ARHGEF15: variants seen among roughly 807,000 people sequenced by gnomAD.
ARHGEF15 encodes the protein Rho guanine nucleotide exchange factor 15.
Under a neutral mutation model 79.7 loss-of-function variants are expected in ARHGEF15, and 58 were observed. The ratio of observed to expected loss-of-function variants is 0.73; its 90% CI spans 0.59 to 0.91. ARHGEF15 has a LOEUF of 0.91. Ranked by LOEUF, ARHGEF15 falls within the 40% of genes least tolerant of loss-of-function variation. ARHGEF15 has a pLI of 0.00. For missense variants in ARHGEF15, 1,012 were observed against 1,108.1 expected (o/e 0.91, Z 1.23); for synonymous variants, 442 against 456.0 (o/e 0.97, Z 0.39).
intron 2 of ARHGEF15, 46 bp downstream of exon 2, chr17:8,312,686 T>A: frequency 6.2e-7 from 1 of 1,610,174 alleles, no homozygotes; most frequent in African/African-American, 1.3e-5. Context: ...AATCCACCCA[T>A]CTTCTCCGTT....
intron 4 of ARHGEF15, 150 bp downstream of exon 4, chr17:8,313,705 G>T (rs1217306693): frequency 1.2e-5 from 9 of 728,726 alleles, no homozygotes; most frequent in Non-Finnish European, 1.8e-5. Flanking sequence ...CCCTTGTTTC[G>T]AATCCCAGCT....
chr17:8,320,561 G>T (rs2151646434), intron 15 of ARHGEF15, among the ~76,000 whole-genome samples: 1 of 152,106 alleles, frequency 6.6e-6, no homozygotes, highest in East Asian at 1.9e-4. Context: ...AAGTGGCAGG[G>T]ATGGGATCAC....
intron 4 of ARHGEF15, 23 bp from the exon 5 acceptor site, chr17:8,314,883 T>A: frequency 6.2e-7 from 1 of 1,613,200 alleles, no homozygotes; most frequent in Non-Finnish European, 8.5e-7. Context: ...CCTGGGGACT[T>A]CCTTCCCTTT....
At position 8,312,629 on chromosome 17, in the gene ARHGEF15, A is replaced by C. The variant is rs1904720978; in HGVS notation, c.590A>C (p.Asn197Thr). Residue 197 changes from asparagine (N) to threonine (T), a missense_variant, in exon 2 of 16, where the codon AAC (asparagine) becomes ACC (threonine). Asn to Thr is a moderately conservative substitution (Grantham distance 65). This residue lies in a region of ARHGEF15 where 818 missense variants were observed against 882.5 expected (regional missense o/e 0.93). Coordinates refer to ENST00000361926, the MANE Select transcript of ARHGEF15 (RefSeq NM_173728.4). ...CTCACCGGGAGTGGGTCCCAGGAGA[A>C]CGGTGCTCCAGGTGAGTGTGGCGGG... The part of the protein sequence containing the change: ...APLTGSGSQE[N>T]GAPDAGLACP... 1.2e-6 allele frequency: 2 copies of C among 1,613,226 alleles called. No individual in the cohort carries two copies. The highest frequency in any genetic ancestry group is 1.7e-5 in the Admixed American group (1 of 59,994).
rs528039193 is a variant in ARHGEF15 at position 8,315,925 on chromosome 17, G to A, written c.1574+18G>A. On this transcript the variant is annotated intron_variant, in intron 8 of 15. Transcript: ENST00000361926. This position sits in a 1 kb window ranked among gnomAD's most constrained non-coding sequence, Gnocchi z 4.3. ...CGCCTCATGTGAGTGTCCCAGGGGT[G>A]GGGAGGAAGCTGGGGAGAGGGATGG... is the stretch of plus-strand genomic sequence containing the variant. The A allele has an allele frequency of 6.2e-7, 1 of 1,606,458 alleles. No individual in the cohort carries two copies. Among genetic ancestry groups the A allele is most frequent in the South Asian group, 1.1e-5 (1 of 91,070 alleles).
At chr17:8,316,623 A>C (rs904310121) in intron 9 of ARHGEF15, among the ~76,000 whole-genome samples, 1 of 152,252 alleles carries the variant, frequency 6.6e-6, no homozygotes, top group African/African-American at 2.4e-5. Context: ...GTTGTACTCC[A>C]TTAAGCTTTA....
intron 4 of ARHGEF15, chr17:8,313,924 G>A (rs112556241): frequency 0.01 from 1,717 of 167,768 alleles, 32 homozygotes; most frequent in African/African-American, 0.038. Flanking sequence ...CAGCTACTCG[G>A]GAGGCTGAGG....
chr17:8,312,036 G>A lies in ARHGEF15; in HGVS notation c.-4G>A, dbSNP rs762981928. 2.1e-5 allele frequency: 33 copies of A among 1,584,066 alleles called. No homozygotes were observed. The South Asian group carries it at 2.3e-4, about 11-fold the overall frequency. ...CCTCACTCCTTTGAAGAGCACAGAG[G>A]AAGATGTCAGCCCAGTCCCTTCCTG... On this transcript the variant is annotated 5_prime_UTR_variant, in exon 2 of 16. Coordinates refer to ENST00000361926, the MANE Select transcript of ARHGEF15 (RefSeq NM_173728.4).
chr17:8,319,704 C>T (rs535235627), intron 15 of ARHGEF15, 101 bp downstream of exon 15: 123 of 924,598 alleles, frequency 1.3e-4, no homozygotes, highest in South Asian at 7.4e-4. Context: ...GGTGTGAGCT[C>T]GGCTCACTGC....
At chr17:8,320,276 GAAA>G (rs1025708820) in intron 15 of ARHGEF15, among the ~76,000 whole-genome samples, 1 of 144,292 alleles carries the variant, frequency 6.9e-6, no homozygotes, top group African/African-American at 2.5e-5. Flanking sequence ...GAGTGTTATG[GAAA>G]AAAAAAAAAG....
Position 8,318,549 on chromosome 17 carries a change from G to A in ARHGEF15, c.1780-21G>A, listed in dbSNP as rs765452216. 7 of 1,612,734 alleles carry A rather than the reference G, an allele frequency of 4.3e-6. No homozygotes were observed. The Admixed American group carries it at 1.0e-4, about 23-fold the overall frequency. On this transcript the variant is annotated intron_variant, in intron 10 of 15. Transcript: ENST00000361926. The surrounding 1 kb of genome is among the most constrained non-coding windows in gnomAD (Gnocchi z 5.0). ...GCAGGGGGCTGGCCGCTGGGGTGGT[G>A]ACACAGCTCCCCTTACCTAGATCAT...
In ARHGEF15 at chr17:8,319,567, A is replaced by G; in HGVS notation, c.2338A>G (p.Arg780Gly). ...AKTEGRSLESRAAPKHLHKTP... is the reference protein window; with the variant it reads ...AKTEGRSLESGAAPKHLHKTP... ...GACTGAAGGACGGAGTCTGGAGTCCAGGGCTGCCCCCAAACACCTGCACAA... is the reference window on the plus strand; with the variant it reads ...GACTGAAGGACGGAGTCTGGAGTCCGGGGCTGCCCCCAAACACCTGCACAA... The change falls in exon 15 of 16, where the codon AGG becomes GGG. Residue 780 changes from arginine to glycine, a missense_variant. Transcript: ENST00000361926. 6.2e-7 allele frequency: 1 copy of G among 1,607,982 alleles called. No individual in the cohort carries two copies.
Position 8,312,428 on chromosome 17 carries a change from C to G in ARHGEF15, c.389C>G (p.Pro130Arg). Residue 130 changes from proline to arginine, a missense_variant, in exon 2 of 16, where the codon CCT becomes CGT. This residue lies in a region of ARHGEF15 where 818 missense variants were observed against 882.5 expected (regional missense o/e 0.93). Coordinates refer to ENST00000361926, the MANE Select transcript of ARHGEF15 (RefSeq NM_173728.4). Reference sequence around the variant, plus strand: ...AAGCCGTCTGGGTCACCCTGCACGCCTCTGCTCCCCATGGCTGGAGTCCTG... The same window carrying G: ...AAGCCGTCTGGGTCACCCTGCACGCGTCTGCTCCCCATGGCTGGAGTCCTG... Reference protein sequence around the residue: ...PPKPSGSPCTPLLPMAGVLAQ... With the variant: ...PPKPSGSPCTRLLPMAGVLAQ... The G allele has an allele frequency of 1.2e-6, 2 of 1,613,848 alleles. No homozygotes were observed. Among genetic ancestry groups the G allele is most frequent in the Non-Finnish European group, 1.7e-6 (2 of 1,179,902 alleles).
chr17:8,316,531 C>T (rs1018790291), intron 9 of ARHGEF15, among the ~76,000 whole-genome samples: 2 of 152,202 alleles, frequency 1.3e-5, no homozygotes, highest in Non-Finnish European at 2.9e-5. Flanking sequence ...TACCCACATG[C>T]CTTCCCAGCT....
rs114472686 is a variant in ARHGEF15, at chr17:8,313,185, G to A, written c.865G>A (p.Asp289Asn). 81 of 1,610,432 alleles carry A rather than the reference G, an allele frequency of 5.0e-5. No individual in the cohort carries two copies. The highest frequency in any genetic ancestry group is 6.9e-5 in the Non-Finnish European group (81 of 1,179,990). Residue 289 changes from aspartate to asparagine, a missense_variant, in exon 3 of 16, where the codon GAT (aspartate) becomes AAT (asparagine). Around this residue, in one of 3 missense-constraint regions of ARHGEF15, gnomAD observed 818 missense variants for 882.5 expected, o/e 0.93. Coordinates refer to ENST00000361926, the MANE Select transcript of ARHGEF15 (RefSeq NM_173728.4). ...TCCCAAACCAACTCGTGTCAGGCAGGATGCCACCATTTTCGGGGACCCCCC... is the reference window on the plus strand; with the variant it reads ...TCCCAAACCAACTCGTGTCAGGCAGAATGCCACCATTTTCGGGGACCCCCC... ...KPPKPTRVRQ[D>N]ATIFGDPPQP...
At chr17:8,319,718 C>A in intron 15 of ARHGEF15, 115 bp downstream of exon 15, 1 of 780,350 alleles carries the variant, frequency 1.3e-6, no homozygotes, top group Non-Finnish European at 1.9e-6. Context: ...TCACTGCAAC[C>A]TCTGCCTCCT....
chr17:8,315,162 C>T lies in ARHGEF15; in HGVS notation c.1145C>T (p.Ala382Val). Residue 382 changes from alanine (A) to valine (V), a missense_variant, in exon 6 of 16, where the codon GCA becomes GTA. This residue lies in a region of ARHGEF15 where 818 missense variants were observed against 882.5 expected (regional missense o/e 0.93). Coordinates refer to ENST00000361926, the MANE Select transcript of ARHGEF15 (RefSeq NM_173728.4). The surrounding 1 kb of genome is among the most constrained non-coding windows in gnomAD (Gnocchi z 4.3). ...GSPSPANAGD[A>V]PTFPRPPGPR... ...CCTTCTCCAGCAAATGCTGGAGATG[C>T]ACCCACCTTCCCACGACCCCCTGGA... is the stretch of plus-strand genomic sequence containing the variant. The T allele has an allele frequency of 6.2e-7, 1 of 1,614,044 alleles. No individual in the cohort carries two copies. The highest frequency in any genetic ancestry group is 8.5e-7 in the Non-Finnish European group (1 of 1,180,008).
At position 8,315,351 on chromosome 17, in the gene ARHGEF15, GCCCAGGGTCCTAGCTT is replaced by G; in HGVS notation, c.1261-58_1261-43del. On this transcript the variant is annotated intron_variant, in intron 6 of 15. Transcript: ENST00000361926. The surrounding 1 kb of genome is among the most constrained non-coding windows in gnomAD (Gnocchi z 4.3). Reference sequence around the variant, plus strand: ...CATGGGTCAGGCATAGGGGAGGAGGGCCCAGGGTCCTAGCTTCCCACGGTGAACTGGGCTTCCCACG... The same window carrying G: ...CATGGGTCAGGCATAGGGGAGGAGGGCCCACGGTGAACTGGGCTTCCCACG... The G allele has an allele frequency of 1.1e-5, 17 of 1,611,586 alleles. No individual in the cohort carries two copies. Among genetic ancestry groups the G allele is most frequent in the Non-Finnish European group, 1.4e-5 (17 of 1,178,564 alleles).
At position 8,315,246 on chromosome 17, in the gene ARHGEF15, C is replaced by T. The variant is rs765677470; in HGVS notation, c.1229C>T (p.Thr410Ile). Reference sequence around the variant, plus strand: ...GTGCAAGCCAGCGGTCTTCTGGATACCCTCAGCCCCCAGGAGAGGCGCATG... The same window carrying T: ...GTGCAAGCCAGCGGTCTTCTGGATATCCTCAGCCCCCAGGAGAGGCGCATG... ...PAVQASGLLD[T>I]LSPQERRMQE... Residue 410 changes from threonine (T) to isoleucine (I), a missense_variant, in exon 6 of 16, where the codon ACC becomes ATC. Coordinates refer to ENST00000361926, the MANE Select transcript of ARHGEF15 (RefSeq NM_173728.4). The surrounding 1 kb of genome is among the most constrained non-coding windows in gnomAD (Gnocchi z 4.3). 2 of 1,613,378 alleles carry T rather than the reference C, an allele frequency of 1.2e-6. No homozygotes were observed. Among genetic ancestry groups the T allele is most frequent in the Admixed American group, 1.7e-5 (1 of 59,988 alleles).
Sources: gnomAD v4.1 joint callset for allele counts (sites outside exome capture counted in the v4.1 genomes callset) on GRCh38, gnomAD v4.1.1 for gene constraint, gnomAD v4.1.1 regional missense constraint, Gnocchi (gnomAD v3.1) non-coding constraint, MANE v1.5 for transcripts, NCBI Gene and HGNC (gene_info 2026-07-23, HGNC 2026-07-21) for gene names.